Variants in EXOC6B observed in about 807,000 individuals in gnomAD.
EXOC6B encodes the protein exocyst complex component 6B.
Under a neutral mutation model 113.5 loss-of-function variants are expected in EXOC6B, and 54 were observed. That is an observed-to-expected ratio of 0.48 (90% CI 0.38 to 0.60). The LOEUF is 0.60. Ranked by LOEUF, EXOC6B falls within the 20% of genes least tolerant of loss-of-function variation. EXOC6B has a pLI of 0.00. For synonymous variants in EXOC6B, 357 were observed against 339.0 expected, an observed-to-expected ratio of 1.05 and a Z score of -0.58; for missense variants, 797 against 977.5, an observed-to-expected ratio of 0.82 and a Z score of 2.46.
intron 8 of EXOC6B, among the ~76,000 whole-genome samples, chr2:72,545,937 C>T (rs1177966866): frequency 3.3e-5 from 5 of 152,140 alleles, no homozygotes; most frequent in African/African-American, 1.2e-4. Context: ...TCACTTAGAA[C>T]TGCTTATGTC....
At chr2:72,402,373 T>A (rs1285682598) in intron 18 of EXOC6B, among the ~76,000 whole-genome samples, 2 of 152,298 alleles carry the variant, frequency 1.3e-5, no homozygotes, top group East Asian at 1.9e-4. Context: ...AGAAATAAAA[T>A]GAGGAATTGT....
intron 11 of EXOC6B, among the ~76,000 whole-genome samples, chr2:72,507,863 C>G (rs1045275876): frequency 5.0e-4 from 76 of 150,544 alleles, no homozygotes; most frequent in African/African-American, 1.8e-3. Flanking sequence ...AAATTTCATG[C>G]TGAAGAAGAG....
chr2:72,739,263 G>A lies in EXOC6B; in HGVS notation c.279+2041C>T, dbSNP rs139246076. 2.3e-3 allele frequency among the ~76,000 whole-genome samples: 346 copies of A among 152,182 alleles called. 1 individual carries two copies. The highest frequency in any genetic ancestry group is 7.7e-3 in the African/African-American group (321 of 41,550). ...GCCTTAGAATAAATCCTAAAATTAC[G>A]TGGGGTTTTAAGTATTGACACCTTA... On this transcript the variant is annotated intron_variant, in intron 2 of 21. Transcript: ENST00000272427.
At chr2:72,614,308 C>T (rs188440872) in intron 6 of EXOC6B, among the ~76,000 whole-genome samples, 52 of 152,224 alleles carry the variant, frequency 3.4e-4, no homozygotes, top group Admixed American at 8.5e-4. Flanking sequence ...TGTACAGACA[C>T]ATGACTGCTT....
intron 18 of EXOC6B, chr2:72,463,114 CT>C (rs1359312815): frequency 2.0e-5 from 3 of 152,006 alleles, no homozygotes; most frequent in African/African-American, 7.2e-5. Flanking sequence ...TCAAACCATC[CT>C]TGCATTTCTG....
chr2:72,272,237 C>A (rs968996154), intron 20 of EXOC6B, among the ~76,000 whole-genome samples: 4 of 152,124 alleles, frequency 2.6e-5, no homozygotes, highest in African/African-American at 9.7e-5. Flanking sequence ...GTTTGCAGGA[C>A]TTAGCTCATC....
chr2:72,786,670 AT>A (rs554199121), intron 1 of EXOC6B, among the ~76,000 whole-genome samples: 3 of 152,188 alleles, frequency 2.0e-5, no homozygotes, highest in Non-Finnish European at 4.4e-5. Context: ...TCTGATCTGG[AT>A]TTTTTTGTAA....
intron 11 of EXOC6B, 142 bp downstream of exon 11, chr2:72,512,990 C>A: frequency 1.1e-6 from 1 of 944,580 alleles, no homozygotes; most frequent in Non-Finnish European, 1.5e-6. Context: ...TTTGAAGCAG[C>A]TACTTCTATG....
chr2:72,225,537 C>T (rs1681180090), intron 20 of EXOC6B, among the ~76,000 whole-genome samples: 2 of 152,070 alleles, frequency 1.3e-5, no homozygotes, highest in Non-Finnish European at 2.9e-5. Context: ...GTTTACAAGC[C>T]TACGTGGAGA....
At chr2:72,603,042 TAGTC>T (rs1489626556) in intron 6 of EXOC6B, among the ~76,000 whole-genome samples, 2 of 147,290 alleles carry the variant, frequency 1.4e-5, no homozygotes, top group East Asian at 2.0e-4. Context: ...GGAAAGAAAA[TAGTC>T]AGGGTTAACT....
chr2:72,265,244 TA>T (rs1683991304), intron 20 of EXOC6B, among the ~76,000 whole-genome samples: 1 of 116,572 alleles, frequency 8.6e-6, no homozygotes, highest in Non-Finnish European at 2.0e-5. Context: ...ATTCTTTTAT[TA>T]TTATTATTAT....
At chr2:72,381,596 C>A (rs1467800595) in intron 18 of EXOC6B, among the ~76,000 whole-genome samples, 1 of 151,940 alleles carries the variant, frequency 6.6e-6, no homozygotes, top group East Asian at 1.9e-4. Context: ...ATTTTATGTA[C>A]TTTGGATAAT....
At chr2:72,237,895 T>C (rs1682063778) in intron 20 of EXOC6B, among the ~76,000 whole-genome samples, 1 of 152,186 alleles carries the variant, frequency 6.6e-6, no homozygotes, top group Admixed American at 6.5e-5. Flanking sequence ...CATTTGCTTT[T>C]TTTTTTTAAC....
intron 5 of EXOC6B, among the ~76,000 whole-genome samples, chr2:72,719,906 CT>C: frequency 6.6e-6 from 1 of 152,248 alleles, no homozygotes; most frequent in Non-Finnish European, 1.5e-5. Context: ...CTTTTCTTAA[CT>C]TCTTTAAAAG....
intron 6 of EXOC6B, among the ~76,000 whole-genome samples, chr2:72,687,955 G>C (rs1677206194): frequency 6.6e-6 from 1 of 151,916 alleles, no homozygotes; most frequent in Non-Finnish European, 1.5e-5. Context: ...TAAAATGCTG[G>C]CATGCAAGAA....
At chr2:72,513,775 G>A (rs1701068718) in intron 10 of EXOC6B, among the ~76,000 whole-genome samples, 1 of 151,972 alleles carries the variant, frequency 6.6e-6, no homozygotes, top group Non-Finnish European at 1.5e-5. Flanking sequence ...TTTCAAAAAT[G>A]TGAAGTTACG....
intron 8 of EXOC6B, among the ~76,000 whole-genome samples, chr2:72,547,001 T>G (rs527557445): frequency 1.3e-5 from 2 of 152,322 alleles, no homozygotes; most frequent in Non-Finnish European, 2.9e-5. Flanking sequence ...GGTCTATGGA[T>G]GAGATTCAGG....
intron 18 of EXOC6B, among the ~76,000 whole-genome samples, chr2:72,456,957 C>A (rs1273565602): frequency 6.7e-6 from 1 of 150,118 alleles, no homozygotes; most frequent in East Asian, 2.0e-4. Flanking sequence ...GTAAGATTTT[C>A]AACACACATA....
At chr2:72,557,187 C>G (rs1486922043) in intron 8 of EXOC6B, among the ~76,000 whole-genome samples, 4 of 148,396 alleles carry the variant, frequency 2.7e-5, no homozygotes, top group Non-Finnish European at 3.0e-5. Flanking sequence ...CATCTATGAC[C>G]ATATATTACA....
Sources: allele counts gnomAD v4.1 joint callset (sites outside exome capture counted in the v4.1 genomes callset), GRCh38; gene constraint gnomAD v4.1.1; transcripts MANE v1.5; gene names NCBI Gene and HGNC (gene_info 2026-07-23, HGNC 2026-07-21).